INSL6: variants seen among roughly 807,000 people sequenced by gnomAD.
INSL6 encodes insulin-like peptide INSL6.
INSL6 carries 16 observed loss-of-function variants against 9.4 expected under a neutral mutation model. That is an observed-to-expected ratio of 1.70 (90% CI 1.15 to 2.59). The LOEUF is 2.59. Among genes scored for constraint, INSL6 ranks in the 30% most tolerant of loss-of-function variants. The pLI, the probability that INSL6 is intolerant of heterozygous loss-of-function variation, is 0.00. For synonymous variants in INSL6, 154 were observed against 96.9 expected, an observed-to-expected ratio of 1.59 and a Z score of -3.46; for missense variants, 391 against 257.3, an observed-to-expected ratio of 1.52 and a Z score of -3.56.
the INSL6 span, among the ~76,000 whole-genome samples, chr9:5,077,020 G>A: frequency 6.6e-6 from 1 of 151,876 alleles, no homozygotes. Flanking sequence ...AATGGAGCTA[G>A]AACTCAAATT....
At chr9:5,144,384 G>A (rs1305915327) in intron 2 of INSL6, among the ~76,000 whole-genome samples, 1 of 152,136 alleles carries the variant, frequency 6.6e-6, no homozygotes, top group Non-Finnish European at 1.5e-5. Context: ...TATGATTTCA[G>A]TTCTTTTGTA....
the INSL6 span, among the ~76,000 whole-genome samples, chr9:5,009,775 A>ATT: frequency 6.8e-6 from 1 of 146,294 alleles, no homozygotes; most frequent in Non-Finnish European, 1.5e-5. Flanking sequence ...TTCAGTTAAA[A>ATT]TTTTTTTTTT....
At chr9:5,114,310 C>T in the INSL6 span, 1 of 542,582 alleles carries the variant, frequency 1.8e-6, no homozygotes, top group Admixed American at 2.2e-5. Context: ...TGGTCCCAGG[C>T]CAGTGGGAAG....
At chr9:5,094,376 G>C in the INSL6 span, 1 of 151,730 alleles carries the variant, frequency 6.6e-6, no homozygotes. Context: ...TTTAATATAG[G>C]CCTCTTATTT....
At chr9:5,089,872 C>G in the INSL6 span, 1 of 1,440,284 alleles carries the variant, frequency 6.9e-7, no homozygotes. Context: ...TGGTAAGCTG[C>G]CCATTGAAAC....
At chr9:4,993,977 T>C in the INSL6 span, among the ~76,000 whole-genome samples, 1 of 152,206 alleles carries the variant, frequency 6.6e-6, no homozygotes, top group African/African-American at 2.4e-5. Context: ...TGCCTTGCAG[T>C]GGGTGATGTC....
downstream of INSL6, among the ~76,000 whole-genome samples, chr9:5,161,977 G>C (rs1427764119): frequency 1.3e-5 from 2 of 151,994 alleles, no homozygotes; most frequent in African/African-American, 4.8e-5. Context: ...TACTCAGGAG[G>C]CTGAGGTGGG....
chr9:5,124,917 C>T (rs1456703370), intron 3 of INSL6, among the ~76,000 whole-genome samples: 1 of 151,366 alleles, frequency 6.6e-6, no homozygotes, highest in East Asian at 1.9e-4. Context: ...TAATCCCAAA[C>T]CTATTCCTAA....
At chr9:5,180,288 G>T (rs1014141024) in intron 1 of INSL6, among the ~76,000 whole-genome samples, 2 of 152,106 alleles carry the variant, frequency 1.3e-5, no homozygotes, top group Non-Finnish European at 2.9e-5. Context: ...ATTGTAAAAC[G>T]TGTGTTTGAA....
intron 2 of INSL6, among the ~76,000 whole-genome samples, chr9:5,152,730 T>C (rs1162786221): frequency 6.6e-6 from 1 of 152,176 alleles, no homozygotes; most frequent in Non-Finnish European, 1.5e-5. Context: ...CAAAAGGTGA[T>C]GATCTGAAAA....
At chr9:5,117,173 C>T in the INSL6 span, among the ~76,000 whole-genome samples, 1 of 152,258 alleles carries the variant, frequency 6.6e-6, no homozygotes, top group African/African-American at 2.4e-5. Flanking sequence ...GCACCTTTAT[C>T]ATGGACTCCC....
chr9:5,054,586 G>A, the INSL6 span: 12 of 1,594,852 alleles, frequency 7.5e-6, no homozygotes, highest in South Asian at 5.7e-5. The surrounding 1 kb of genome is among the most constrained non-coding windows in gnomAD (Gnocchi z 4.9). Flanking sequence ...TTACCAAAAT[G>A]TATTCGAGCA....
the INSL6 span, among the ~76,000 whole-genome samples, chr9:5,070,419 C>G: frequency 1.3e-5 from 2 of 152,078 alleles, no homozygotes. Context: ...CCAGCCATCT[C>G]TCAGTGTCCA....
intron 1 of INSL6, among the ~76,000 whole-genome samples, chr9:5,167,548 C>A (rs1454726666): frequency 1.3e-5 from 2 of 152,224 alleles, no homozygotes; most frequent in East Asian, 1.9e-4. Flanking sequence ...TTCCCCCTCA[C>A]GGAGCAGGGC....
the INSL6 span, among the ~76,000 whole-genome samples, chr9:5,057,211 GTTGT>G: frequency 1.3e-5 from 2 of 149,574 alleles, no homozygotes; most frequent in South Asian, 2.1e-4. Flanking sequence ...TGCTTTTTCT[GTTGT>G]TTATTAAAAT....
chr9:5,115,216 A>C, the INSL6 span, among the ~76,000 whole-genome samples: 212 of 152,348 alleles, frequency 1.4e-3, 3 homozygotes, highest in African/African-American at 4.7e-3. Flanking sequence ...ACAAGTTCAC[A>C]AGAAAAAAAC....
chr9:5,120,351 A>C (rs1362109361), downstream of INSL6, among the ~76,000 whole-genome samples: 1 of 152,230 alleles, frequency 6.6e-6, no homozygotes, highest in Admixed American at 6.5e-5. Context: ...TTTGGAGGAG[A>C]CACATAGCAA....
chr9:5,162,292 C>A (rs1177714761), downstream of INSL6, among the ~76,000 whole-genome samples: 3 of 151,918 alleles, frequency 2.0e-5, no homozygotes, highest in Non-Finnish European at 2.9e-5. Context: ...AAATGTACCA[C>A]ATCATTAGTG....
At chr9:5,069,867 G>A in the INSL6 span, 6 of 1,178,548 alleles carry the variant, frequency 5.1e-6, no homozygotes, top group African/African-American at 9.3e-5. Context: ...CTCCTCTTTG[G>A]AGCAATTCAT....
Sources: gnomAD v4.1 joint callset for allele counts (sites outside exome capture counted in the v4.1 genomes callset) on GRCh38, gnomAD v4.1.1 for gene constraint, Gnocchi (gnomAD v3.1) non-coding constraint, MANE v1.5 for transcripts, NCBI Gene and HGNC (gene_info 2026-07-23, HGNC 2026-07-21) for gene names.